The following LTBP4 variants were observed in gnomAD, a reference collection of about 807,000 sequenced individuals.
LTBP4 encodes latent-transforming growth factor beta-binding protein 4.
Under a neutral mutation model 180.2 loss-of-function variants are expected in LTBP4, and 93 were observed. That is an observed-to-expected ratio of 0.52 (90% CI 0.44 to 0.61). The LOEUF is 0.61. Among genes scored for constraint, LTBP4 ranks in the 20% least tolerant of loss-of-function variants. The probability of loss-of-function intolerance (pLI) is 0.00; values close to 1 mark genes in which losing one functional copy is unlikely to be tolerated. For synonymous variants in LTBP4, 947 were observed against 934.5 expected, an observed-to-expected ratio of 1.01 and a Z score of -0.24; for missense variants, 2,116 against 2,256.5, an observed-to-expected ratio of 0.94 and a Z score of 1.26.
At position 40,601,679 on chromosome 19, in the gene LTBP4, G is replaced by T. The variant is rs1478143868; in HGVS notation, c.250+42G>T. 5.4e-6 allele frequency: 7 copies of T among 1,301,770 alleles called. 1 individual carries two copies. Among genetic ancestry groups the T allele is most frequent in the African/African-American group, 1.6e-5 (1 of 64,322 alleles). The allele number at this position is 1,301,770 out of a possible 1,614,324, so 80.6% of individuals were successfully genotyped here. On this transcript the variant is annotated intron_variant, in intron 1 of 29. Coordinates refer to ENST00000396819, the MANE Select transcript of LTBP4 (RefSeq NM_001042545.2). ...GGTCCCGAGAGAGCGGCTCCGGGGG[G>T]GAGGAGGATCCCTGGGGATGGAGGA...
chr19:40,610,513 G>T lies in LTBP4; in HGVS notation c.1685-19G>T, dbSNP rs753993251. On this transcript the variant is annotated intron_variant, in intron 11 of 29. Transcript: ENST00000396819. ...GGGGCTGTCTGCCCCAGTCCCAGCC[G>T]CCTGGTCTGTGCCTACAGATGTGGA... 1.3e-6 allele frequency: 2 copies of T among 1,583,754 alleles called. No individual in the cohort carries two copies. The highest frequency in any genetic ancestry group is 1.1e-5 in the South Asian group (1 of 88,992).
chr19:40,619,715 G>A (rs1227789446), intron 22 of LTBP4, among the ~76,000 whole-genome samples: 1 of 152,226 alleles, frequency 6.6e-6, no homozygotes, highest in Non-Finnish European at 1.5e-5. Context: ...TTCACAGGGT[G>A]TGCACTGTGT....
rs780942572 is a variant in LTBP4, at chr19:40,613,439, C to T, written c.2467C>T (p.Pro823Ser). The T allele has an allele frequency of 2.7e-5, 44 of 1,604,770 alleles. 1 individual carries two copies. The Middle Eastern group carries it at 4.9e-4, about 18-fold the overall frequency. ...NECLEGDFCFPHGECLNTDGS... is the reference protein window; with the variant it reads ...NECLEGDFCFSHGECLNTDGS... ...GTGCCTGGAGGGCGATTTCTGCTTC[C>T]CTCACGGCGAGTGCCTCAACACTGA... The change falls in exon 17 of 30, where the codon CCT becomes TCT. Residue 823 changes from proline to serine, a missense_variant. Around this residue, in one of 5 missense-constraint regions of LTBP4, gnomAD observed 877 missense variants for 873.6 expected, o/e 1.00. Transcript: ENST00000396819. This position sits in a 1 kb window ranked among gnomAD's most constrained non-coding sequence, Gnocchi z 5.0.
intron 29 of LTBP4, among the ~76,000 whole-genome samples, chr19:40,628,111 T>C (rs1363677003): frequency 6.6e-6 from 1 of 152,234 alleles, no homozygotes; most frequent in African/African-American, 2.4e-5. Flanking sequence ...AGGAATAGAA[T>C]AGTGCTGGTG....
At chr19:40,624,145 G>T (rs2081607970) in intron 26 of LTBP4, 63 bp downstream of exon 26, 4 of 1,457,274 alleles carry the variant, frequency 2.7e-6, no homozygotes, top group Non-Finnish European at 3.6e-6. Context: ...CCGCACCCGG[G>T]CCACACCTTT....
chr19:40,597,226 C>T (rs1167229086), upstream of LTBP4: 3 of 1,479,110 alleles, frequency 2.0e-6, no homozygotes, highest in South Asian at 3.9e-5. Context: ...GGACTCGGCG[C>T]CCGACACGAT....
chr19:40,597,223 G>C (rs1417426228), upstream of LTBP4: 1 of 1,474,636 alleles, frequency 6.8e-7, no homozygotes, highest in Non-Finnish European at 8.9e-7. Flanking sequence ...GCGGGACTCG[G>C]CGCCCGACAC....
rs2081518288 is a variant in LTBP4, at chr19:40,613,033, G to A, written c.2300-32G>A. On this transcript the variant is annotated intron_variant, in intron 15 of 29. Coordinates refer to ENST00000396819, the MANE Select transcript of LTBP4 (RefSeq NM_001042545.2). The surrounding 1 kb of genome is among the most constrained non-coding windows in gnomAD (Gnocchi z 5.0). ...GATTGGTCGGGTGTGTCCCGAGACT[G>A]GACCCTTTCTGAACACCCCCACCCC... 6.2e-7 allele frequency: 1 copy of A among 1,607,564 alleles called. No homozygotes were observed. The highest frequency in any genetic ancestry group is 8.5e-7 in the Non-Finnish European group (1 of 1,176,634).
rs781547449 is a variant in LTBP4, at chr19:40,611,132, G to A, written c.1811-20G>A. 20 of 1,610,108 alleles carry A rather than the reference G, an allele frequency of 1.2e-5. No homozygotes were observed. The highest frequency in any genetic ancestry group is 3.3e-5 in the Admixed American group (2 of 59,876). ...GAGGCAGAGGGGAACAAGTGACCCC[G>A]GGCCCCCTGCCCTGTGCAGATGTGG... On this transcript the variant is annotated intron_variant, in intron 12 of 29. Coordinates refer to ENST00000396819, the MANE Select transcript of LTBP4 (RefSeq NM_001042545.2). This position sits in a 1 kb window ranked among gnomAD's most constrained non-coding sequence, Gnocchi z 4.4.
Position 40,614,017 on chromosome 19 carries a change from C to T in LTBP4, c.2659C>T (p.Pro887Ser), listed in dbSNP as rs758381503. Residue 887 changes from proline (P) to serine (S), a missense_variant, in exon 18 of 30, where the codon CCG (proline) becomes TCG (serine). Pro to Ser is a moderately conservative substitution (Grantham distance 74). This residue lies in a region of LTBP4 where 877 missense variants were observed against 873.6 expected (regional missense o/e 1.00). Transcript: ENST00000396819. ...CICPPGHRAG[P>S]DLASCLDVDE... The stretch of plus-strand genomic sequence containing the variant: ...CTGTCCTCCGGGACACCGCGCTGGC[C>T]CGGACCTCGCCTCCTGCCTCGGTGA... 1 of 1,613,276 alleles carries T rather than the reference C, an allele frequency of 6.2e-7. No individual in the cohort carries two copies. Among genetic ancestry groups the T allele is most frequent in the South Asian group, 1.1e-5 (1 of 91,060 alleles).
chr19:40,607,235 C>G, intron 6 of LTBP4, 130 bp from the exon 7 acceptor site: 2 of 815,560 alleles, frequency 2.5e-6, no homozygotes, highest in Non-Finnish European at 3.9e-6. Flanking sequence ...TCTCAGACCT[C>G]TCCCAAATGC....
Position 40,625,283 on chromosome 19 carries a change from TATATATATATA to T in LTBP4, c.3833-573_3833-563del, listed in dbSNP as rs2081620324. Reference sequence around the variant, plus strand: ...ATATATATATATATATATATATATATATATATATATATATATATATATATATATATATATTT... The same window carrying T: ...ATATATATATATATATATATATATATTATATATATATATATATATATATTT... On this transcript the variant is annotated intron_variant, in intron 26 of 29. Transcript: ENST00000396819. Among the ~76,000 whole-genome samples the T allele has an allele frequency of 1.8e-3, 16 of 8,704 alleles. 1 individual carries two copies. The highest frequency in any genetic ancestry group is 1.7e-3 in the Non-Finnish European group (9 of 5,444). 5.7% of individuals were successfully genotyped at this position (8,704 alleles called of 152,430 possible).
chr19:40,627,660 T>G (rs993107521), intron 28 of LTBP4, 45 bp from the exon 29 acceptor site: 10 of 1,554,128 alleles, frequency 6.4e-6, no homozygotes, highest in Non-Finnish European at 8.7e-6. Flanking sequence ...GGGTAAGGGG[T>G]GAAGGCAGGG....
intron 12 of LTBP4, 93 bp downstream of exon 12, chr19:40,610,750 C>T: frequency 1.4e-6 from 2 of 1,470,198 alleles, no homozygotes; most frequent in Non-Finnish European, 1.8e-6. Context: ...TAGGGCAAAG[C>T]GAGTTGATTT....
rs749436864 is a variant in LTBP4, at chr19:40,617,150, C to T, written c.2995C>T (p.Gln999Ter). The change falls in exon 21 of 30, where the codon CAG (glutamine) becomes TAG (stop). Residue 999 changes from glutamine to a stop codon, truncating the protein, a stop_gained. Transcript: ENST00000396819. LOFTEE classifies it high-confidence loss of function. ...CTTCTGCGGTGCCCACGCCGTGTGCCAGAACCTGCCCGGCTCCTTCCAGTG... is the reference window on the plus strand; with the variant it reads ...CTTCTGCGGTGCCCACGCCGTGTGCTAGAACCTGCCCGGCTCCTTCCAGTG... ...RSFCGAHAVCQNLPGSFQCLC... is the reference protein window; with the variant it reads ...RSFCGAHAVC The T allele has an allele frequency of 1.2e-6, 2 of 1,613,982 alleles. No homozygotes were observed. The highest frequency in any genetic ancestry group is 2.2e-5 in the South Asian group (2 of 91,076).
chr19:40,599,257 T>G, upstream of LTBP4: 2 of 1,613,434 alleles, frequency 1.2e-6, no homozygotes, highest in Non-Finnish European at 1.7e-6. Context: ...GCATCCGAGG[T>G]GGGTTCTGGA....
At chr19:40,610,260 C>A (rs1869712) in intron 11 of LTBP4, 57 of 522,696 alleles carry the variant, frequency 1.1e-4, no homozygotes, top group South Asian at 4.9e-4. Context: ...CACCAGAGCC[C>A]TATCCCCAAA....
intron 1 of LTBP4, among the ~76,000 whole-genome samples, chr19:40,594,116 AGAGAGAGAGAGG>A (rs1034720963): frequency 2.7e-5 from 4 of 149,002 alleles, no homozygotes; most frequent in South Asian, 2.1e-4. Context: ...GTGGGGGGGG[AGAGAGAGAGAGG>A]GAGAGAGAGA....
In LTBP4 at chr19:40,613,548, C is replaced by A; in HGVS notation, c.2557+19C>A. ...TGCCTCGGTTCGTACCCGGGCTGAT[C>A]CTGGCCCCGGAAAGGGTGGGCTTAG... On this transcript the variant is annotated intron_variant, in intron 17 of 29. Coordinates refer to ENST00000396819, the MANE Select transcript of LTBP4 (RefSeq NM_001042545.2). The surrounding 1 kb of genome is among the most constrained non-coding windows in gnomAD (Gnocchi z 5.0). 1 of 1,558,600 alleles carries A rather than the reference C, an allele frequency of 6.4e-7. No individual in the cohort carries two copies. The highest frequency in any genetic ancestry group is 8.7e-7 in the Non-Finnish European group (1 of 1,153,306).
Sources: allele counts gnomAD v4.1 joint callset (sites outside exome capture counted in the v4.1 genomes callset), GRCh38; gene constraint gnomAD v4.1.1; regional missense constraint gnomAD v4.1.1; non-coding constraint Gnocchi (gnomAD v3.1); transcripts MANE v1.5; gene names NCBI Gene and HGNC (gene_info 2026-07-23, HGNC 2026-07-21).